The following KCNQ5 variants were observed in gnomAD, a reference collection of about 807,000 sequenced individuals.
KCNQ5 encodes potassium voltage-gated channel subfamily KQT member 5.
A neutral mutation model predicts 98.2 loss-of-function variants in KCNQ5; 30 were observed. That is an observed-to-expected ratio of 0.31 (90% CI 0.23 to 0.41). KCNQ5 has a LOEUF of 0.41. Among genes scored for constraint, KCNQ5 ranks in the 10% least tolerant of loss-of-function variants. The probability of loss-of-function intolerance (pLI) is 1.00; values close to 1 mark genes in which losing one functional copy is unlikely to be tolerated. For synonymous variants in KCNQ5, 458 were observed against 449.4 expected (o/e 1.02, Z -0.24); for missense variants, 835 against 1,182.5 (o/e 0.71, Z 4.31).
At chr6:72,722,681 A>G (rs1236648115) in intron 1 of KCNQ5, among the ~76,000 whole-genome samples, 1 of 152,100 alleles carries the variant, frequency 6.6e-6, no homozygotes, top group Non-Finnish European at 1.5e-5. Context: ...AGCTCGGATT[A>G]TTGTCATAAA....
At chr6:73,097,464 T>C (rs1774560840) in intron 5 of KCNQ5, among the ~76,000 whole-genome samples, 1 of 152,134 alleles carries the variant, frequency 6.6e-6, no homozygotes, top group Admixed American at 6.5e-5. Flanking sequence ...AAGCATATAT[T>C]ATAAGCCAAT....
intron 11 of KCNQ5, among the ~76,000 whole-genome samples, chr6:73,189,578 C>G (rs1765509813): frequency 6.6e-6 from 1 of 152,172 alleles, no homozygotes; most frequent in Non-Finnish European, 1.5e-5. Context: ...AGCCTGGAAT[C>G]TACAAGTGTG....
chr6:73,134,330 T>G (rs1776370961), intron 10 of KCNQ5: 1 of 157,812 alleles, frequency 6.3e-6, no homozygotes, highest in African/African-American at 2.4e-5. Context: ...TCATTTAAGA[T>G]AAGCTTGGCT....
Position 72,684,768 on chromosome 6 carries a change from A to T in KCNQ5, c.398+62181A>T, listed in dbSNP as rs561509120. On this transcript the variant is annotated intron_variant, in intron 1 of 13. Transcript: ENST00000370398. ...ACATATTAATTTATGAAATAACAAA[A>T]TGTTACATTTGTTAATATGAATTAA... is the stretch of plus-strand genomic sequence containing the variant. Among the ~76,000 whole-genome samples, 129 of 152,288 alleles carry T rather than the reference A, an allele frequency of 8.5e-4. 2 individuals are homozygous for T. The South Asian group carries it at 0.025, about 30-fold the overall frequency.
chr6:72,872,762 T>G (rs1481400939), intron 1 of KCNQ5, among the ~76,000 whole-genome samples: 4 of 152,096 alleles, frequency 2.6e-5, no homozygotes, highest in African/African-American at 9.7e-5. Flanking sequence ...TCAAAGCAAC[T>G]TCATTATTCA....
At chr6:72,646,547 A>G (rs953387873) in intron 1 of KCNQ5, among the ~76,000 whole-genome samples, 3 of 152,184 alleles carry the variant, frequency 2.0e-5, no homozygotes, top group Admixed American at 1.3e-4. Context: ...CTATTGGTCT[A>G]CATAGTTTAC....
intron 9 of KCNQ5, among the ~76,000 whole-genome samples, chr6:73,126,555 ATC>A (rs1430071032): frequency 6.6e-6 from 1 of 152,234 alleles, no homozygotes; most frequent in Non-Finnish European, 1.5e-5. Context: ...GTTCGCATAT[ATC>A]TACGACATTT....
chr6:72,975,880 A>G (rs928258885), intron 1 of KCNQ5, among the ~76,000 whole-genome samples: 2 of 152,176 alleles, frequency 1.3e-5, no homozygotes, highest in Non-Finnish European at 2.9e-5. Context: ...GTCCTCTTGT[A>G]TATACGTGTA....
chr6:72,754,944 TTC>T (rs1258941502), intron 1 of KCNQ5, among the ~76,000 whole-genome samples: 3 of 152,104 alleles, frequency 2.0e-5, no homozygotes, highest in Admixed American at 2.0e-4. Flanking sequence ...TTTTTTTTAG[TTC>T]TCTCAGTTTT....
chr6:72,648,177 A>G (rs1765695757), intron 1 of KCNQ5, among the ~76,000 whole-genome samples: 1 of 152,160 alleles, frequency 6.6e-6, no homozygotes, highest in Non-Finnish European at 1.5e-5. Context: ...GGCTATTGAG[A>G]TGGATGAGGC....
intron 1 of KCNQ5, among the ~76,000 whole-genome samples, chr6:72,876,679 CAAA>C (rs1408127339): frequency 6.6e-6 from 1 of 152,098 alleles, no homozygotes; most frequent in Non-Finnish European, 1.5e-5. Context: ...GGATTTCATA[CAAA>C]AGTATTATAC....
At chr6:72,931,458 A>T (rs1268484619) in intron 1 of KCNQ5, among the ~76,000 whole-genome samples, 2 of 152,214 alleles carry the variant, frequency 1.3e-5, no homozygotes, top group Non-Finnish European at 2.9e-5. Flanking sequence ...AAACCACATC[A>T]AAATGAATAT....
intron 10 of KCNQ5, among the ~76,000 whole-genome samples, chr6:73,168,237 G>T (rs1169517184): frequency 6.6e-6 from 1 of 152,204 alleles, no homozygotes; most frequent in Non-Finnish European, 1.5e-5. Flanking sequence ...CTGCCTCAAT[G>T]AATGAACCTC....
intron 1 of KCNQ5, among the ~76,000 whole-genome samples, chr6:72,914,819 G>A (rs1295199372): frequency 6.6e-6 from 1 of 151,720 alleles, no homozygotes; most frequent in East Asian, 1.9e-4. Flanking sequence ...CGGGTCTCAA[G>A]CCAGGGGGCT....
intron 1 of KCNQ5, among the ~76,000 whole-genome samples, chr6:72,716,639 A>G (rs991733185): frequency 1.3e-5 from 2 of 152,198 alleles, no homozygotes; most frequent in African/African-American, 4.8e-5. Flanking sequence ...GTTTAGTGAC[A>G]TATGGCCATA....
chr6:73,128,744 C>T (rs570853063), intron 9 of KCNQ5, among the ~76,000 whole-genome samples: 2 of 152,132 alleles, frequency 1.3e-5, no homozygotes, highest in South Asian at 2.1e-4. Flanking sequence ...TTGCTAGAAC[C>T]CTTTCAGATT....
intron 1 of KCNQ5, among the ~76,000 whole-genome samples, chr6:72,837,954 CT>C (rs911850489): frequency 4.0e-5 from 6 of 151,322 alleles, no homozygotes; most frequent in Non-Finnish European, 5.9e-5. Context: ...ATTCTTCATC[CT>C]TTTTTTTATT....
chr6:72,651,196 C>A (rs1478584482), intron 1 of KCNQ5, among the ~76,000 whole-genome samples: 1 of 152,004 alleles, frequency 6.6e-6, no homozygotes, highest in Non-Finnish European at 1.5e-5. Flanking sequence ...TCTGTGAAGT[C>A]CCTAAGTGTA....
At chr6:72,985,240 G>A (rs938320987) in intron 1 of KCNQ5, among the ~76,000 whole-genome samples, 6 of 152,126 alleles carry the variant, frequency 3.9e-5, no homozygotes, top group East Asian at 1.9e-4. Flanking sequence ...AAGAAAGAAC[G>A]TAGGAAGAAA....
Sources: allele counts gnomAD v4.1 joint callset (sites outside exome capture counted in the v4.1 genomes callset), GRCh38; gene constraint gnomAD v4.1.1; transcripts MANE v1.5; gene names NCBI Gene and HGNC (gene_info 2026-07-23, HGNC 2026-07-21).